PTPN4: variants seen among roughly 807,000 people sequenced by gnomAD.
PTPN4 encodes protein tyrosine phosphatase non-receptor type 4, also known as tyrosine-protein phosphatase non-receptor type 4.
PTPN4 carries 49 observed loss-of-function variants against 135.5 expected under a neutral mutation model. The observed-to-expected ratio is 0.36, with a 90% CI of 0.29 to 0.46. The LOEUF (loss-of-function observed/expected upper bound fraction) is 0.46. Among genes scored for constraint, PTPN4 ranks in the 20% least tolerant of loss-of-function variants. PTPN4 has a pLI of 1.00. For synonymous variants in PTPN4, 333 were observed against 369.9 expected, an observed-to-expected ratio of 0.90 and a Z score of 1.14; for missense variants, 860 against 1,101.0, an observed-to-expected ratio of 0.78 and a Z score of 3.10.
At chr2:119,765,614 GTGGTA>G (rs1690600460) in intron 1 of PTPN4, among the ~76,000 whole-genome samples, 1 of 152,224 alleles carries the variant, frequency 6.6e-6, no homozygotes, top group South Asian at 2.1e-4. Flanking sequence ...AGTGGGAGCA[GTGGTA>G]TAAAGGTAAA....
At chr2:119,773,299 A>G (rs1690768465) in intron 1 of PTPN4, among the ~76,000 whole-genome samples, 1 of 152,200 alleles carries the variant, frequency 6.6e-6, no homozygotes, top group Admixed American at 6.5e-5. Context: ...ATGTTTGAAC[A>G]ACATGGATTT....
At chr2:119,820,979 T>C (rs550770079) in intron 2 of PTPN4, among the ~76,000 whole-genome samples, 10 of 151,990 alleles carry the variant, frequency 6.6e-5, no homozygotes, top group African/African-American at 1.9e-4. Context: ...ATATTTATCC[T>C]GAAACTCCTT....
At chr2:119,901,579 A>G (rs1263767727) in intron 10 of PTPN4, among the ~76,000 whole-genome samples, 1 of 152,240 alleles carries the variant, frequency 6.6e-6, no homozygotes, top group Non-Finnish European at 1.5e-5. Flanking sequence ...ATTTAGCAAA[A>G]AATTACAAGA....
At chr2:119,786,286 T>C (rs1030185460) in intron 1 of PTPN4, among the ~76,000 whole-genome samples, 2 of 152,214 alleles carry the variant, frequency 1.3e-5, no homozygotes, top group Non-Finnish European at 1.5e-5. Context: ...AAAAATTTTA[T>C]TTTCTAGTCA....
In PTPN4 at chr2:119,844,273, C is replaced by T. The variant is rs866652752; in HGVS notation, c.139-18263C>T. On this transcript the variant is annotated intron_variant, in intron 2 of 26. Coordinates refer to ENST00000263708, the MANE Select transcript of PTPN4 (RefSeq NM_002830.4). ...CTCCCAGACGGGGCGGCTGGCCGGG[C>T]GGAGGGCTCACCCCCCCACCTCCCT... Among the ~76,000 whole-genome samples, 164 of 128,812 alleles carry T rather than the reference C, an allele frequency of 1.3e-3. 1 individual carries two copies. The highest frequency in any genetic ancestry group is 9.2e-3 in the South Asian group (35 of 3,816). 84.5% of individuals were successfully genotyped at this position (128,812 alleles called of 152,430 possible). A position where few individuals can be genotyped will look rare whatever the true frequency, so the allele number is the denominator to read the frequency against.
At chr2:119,828,056 T>C (rs959085471) in intron 2 of PTPN4, among the ~76,000 whole-genome samples, 4 of 152,312 alleles carry the variant, frequency 2.6e-5, no homozygotes, top group South Asian at 2.1e-4. Flanking sequence ...CAGCTTCCAA[T>C]TGGGTCTCCT....
At chr2:119,782,821 T>G (rs1342726837) in intron 1 of PTPN4, among the ~76,000 whole-genome samples, 1 of 144,278 alleles carries the variant, frequency 6.9e-6, no homozygotes, top group Non-Finnish European at 1.5e-5. Flanking sequence ...TCCTCTCACC[T>G]CAGCCTACTG....
At chr2:119,862,760 T>A in intron 3 of PTPN4, 117 bp downstream of exon 3, 2 of 661,404 alleles carry the variant, frequency 3.0e-6, no homozygotes, top group Non-Finnish European at 4.8e-6. Context: ...TTACTTGACT[T>A]AAATAGAGGT....
Position 119,877,505 on chromosome 2 carries a change from G to A in PTPN4, c.331G>A (p.Val111Ile), listed in dbSNP as rs1319482029. The part of the protein sequence containing the change: ...YSLNFRVKFF[V>I]SDPNKLQEEY... ...TTTGAACTTTAGAGTCAAATTTTTT[G>A]TAAGTGACCCCAACAAGTTACAAGA... The change falls in exon 5 of 27, where the codon GTA becomes ATA. Residue 111 changes from valine to isoleucine, a missense_variant. Val to Ile is a conservative substitution (Grantham distance 29). This residue lies in a region of PTPN4 where 684 missense variants were observed against 807.0 expected (regional missense o/e 0.85). Coordinates refer to ENST00000263708, the MANE Select transcript of PTPN4 (RefSeq NM_002830.4). 1 of 1,609,962 alleles carries A rather than the reference G, an allele frequency of 6.2e-7. No homozygotes were observed. The highest frequency in any genetic ancestry group is 1.3e-5 in the African/African-American group (1 of 74,790).
intron 2 of PTPN4, among the ~76,000 whole-genome samples, chr2:119,813,904 T>A (rs1230080542): frequency 1.3e-5 from 2 of 152,124 alleles, no homozygotes; most frequent in Non-Finnish European, 2.9e-5. Flanking sequence ...TCTCAAGGGA[T>A]AGCTACCATA....
intron 2 of PTPN4, among the ~76,000 whole-genome samples, chr2:119,856,983 T>C (rs537383134): frequency 4.6e-5 from 7 of 152,270 alleles, no homozygotes; most frequent in Admixed American, 1.3e-4. Context: ...AAGTATTTGG[T>C]GAGGTAGGGG....
intron 1 of PTPN4, among the ~76,000 whole-genome samples, chr2:119,785,592 AT>A (rs1420092409): frequency 6.6e-6 from 1 of 152,042 alleles, no homozygotes; most frequent in East Asian, 1.9e-4. Context: ...GTTTCATGAA[AT>A]TTTTGTTTTT....
chr2:119,765,939 C>T (rs1207473985), intron 1 of PTPN4, among the ~76,000 whole-genome samples: 3 of 144,048 alleles, frequency 2.1e-5, no homozygotes, highest in East Asian at 2.0e-4. Context: ...TGTGTGCGCG[C>T]GCGCATGTGC....
intron 23 of PTPN4, among the ~76,000 whole-genome samples, chr2:119,962,114 A>C (rs1290744958): frequency 2.0e-5 from 3 of 152,180 alleles, no homozygotes; most frequent in Non-Finnish European, 4.4e-5. Context: ...TTGCTGCCTC[A>C]AAATATAGCC....
rs769154141 is a variant in PTPN4, at chr2:119,882,540, A to G, written c.504A>G (p.Ser168=). 7.1e-6 allele frequency: 11 copies of G among 1,550,152 alleles called. No homozygotes were observed. In the South Asian group the frequency reaches 1.3e-4, roughly 19 times the overall value. Residue 168 remains serine (S), a synonymous_variant, in exon 8 of 27, where the codon TCA becomes TCG. Coordinates refer to ENST00000263708, the MANE Select transcript of PTPN4 (RefSeq NM_002830.4). ...LGDYDQSENL[S]GYLSDYSFIP... is the part of the protein sequence containing the mutation. ...ACTACGATCAGTCAGAGAACTTGTC[A>G]GGCTACCTCTCAGATTATTCTTTCA...
intron 1 of PTPN4, among the ~76,000 whole-genome samples, chr2:119,768,805 C>A (rs1412078979): frequency 6.6e-6 from 1 of 152,110 alleles, no homozygotes; most frequent in Non-Finnish European, 1.5e-5. Context: ...ATCTTTTTCC[C>A]CTCATTTAAT....
At chr2:119,866,931 A>G (rs142581135) in intron 3 of PTPN4, among the ~76,000 whole-genome samples, 5 of 152,064 alleles carry the variant, frequency 3.3e-5, no homozygotes, top group South Asian at 2.1e-4. Context: ...GCTAAATGCA[A>G]TTTTTTGCTT....
At chr2:119,804,443 C>T (rs571289210) in intron 1 of PTPN4, among the ~76,000 whole-genome samples, 7 of 151,948 alleles carry the variant, frequency 4.6e-5, no homozygotes, top group South Asian at 2.1e-4. Flanking sequence ...CTCCACCCAA[C>T]GACAGGCCCC....
At chr2:119,935,189 T>C in intron 15 of PTPN4, 1 of 488,270 alleles carries the variant, frequency 2.0e-6, no homozygotes, top group Admixed American at 3.8e-5. Flanking sequence ...CTTCAGTTTT[T>C]AGTATATAAA....
Sources: allele counts gnomAD v4.1 joint callset (sites outside exome capture counted in the v4.1 genomes callset), GRCh38; gene constraint gnomAD v4.1.1; regional missense constraint gnomAD v4.1.1; transcripts MANE v1.5; gene names NCBI Gene and HGNC (gene_info 2026-07-23, HGNC 2026-07-21).